GNG7: variants seen among roughly 807,000 people sequenced by gnomAD.
GNG7 encodes G protein subunit gamma 7, also known as guanine nucleotide-binding protein G(I)/G(S)/G(O) subunit gamma-7.
A neutral mutation model predicts 4.0 loss-of-function variants in GNG7; 1 was observed. The ratio of observed to expected loss-of-function variants is 0.25; its 90% confidence interval spans 0.09 to 1.18. The LOEUF is 1.18. GNG7 is among the 50% of genes most tolerant of loss of function. GNG7 has a pLI of 0.50. For missense variants in GNG7, 86 were observed against 91.9 expected (o/e 0.94, Z 0.26); for synonymous variants, 34 against 36.9 (o/e 0.92, Z 0.29).
At chr19:2,620,257 G>GAGGGT in intron 2 of GNG7, among the ~76,000 whole-genome samples, 2 of 141,362 alleles carry the variant, frequency 1.4e-5, no homozygotes, top group African/African-American at 5.2e-5. Context: ...GAGGGGAGGG[G>GAGGGT]AGGGGAGAGG....
chr19:2,563,873 C>A (rs975759607), intron 2 of GNG7, among the ~76,000 whole-genome samples: 6 of 152,052 alleles, frequency 3.9e-5, no homozygotes, highest in Admixed American at 6.6e-5. Context: ...ACCTTCGCAC[C>A]CAAACTTCCT....
intron 3 of GNG7, among the ~76,000 whole-genome samples, chr19:2,527,509 G>C (rs547719409): frequency 6.6e-6 from 1 of 152,340 alleles, no homozygotes; most frequent in Non-Finnish European, 1.5e-5. Context: ...CTGAGCAGAT[G>C]GCTGAGCAGA....
At chr19:2,534,890 A>G (rs981685132) in intron 3 of GNG7, among the ~76,000 whole-genome samples, 2 of 152,158 alleles carry the variant, frequency 1.3e-5, no homozygotes, top group African/African-American at 4.8e-5. Context: ...TTTTTGTTCT[A>G]TTGAGGGCTT....
At chr19:2,593,457 A>G (rs953916560) in intron 2 of GNG7, among the ~76,000 whole-genome samples, 1 of 152,174 alleles carries the variant, frequency 6.6e-6, no homozygotes, top group African/African-American at 2.4e-5. Context: ...AAGTATTAAG[A>G]GTAGGACTGG....
chr19:2,559,850 G>A (rs1979687131), intron 2 of GNG7, among the ~76,000 whole-genome samples: 2 of 152,086 alleles, frequency 1.3e-5, no homozygotes, highest in Admixed American at 1.3e-4. Flanking sequence ...TGATGTGAGT[G>A]TTGAATAGGG....
intron 2 of GNG7, among the ~76,000 whole-genome samples, chr19:2,631,798 T>A (rs1982166371): frequency 2.0e-5 from 3 of 152,192 alleles, no homozygotes; most frequent in Admixed American, 2.0e-4. Context: ...AGGAACTAGA[T>A]GGGGGACTTG....
intron 2 of GNG7, among the ~76,000 whole-genome samples, chr19:2,582,036 G>A (rs1980518996): frequency 1.3e-5 from 2 of 152,170 alleles, no homozygotes; most frequent in South Asian, 2.1e-4. Flanking sequence ...TTTGCCAAAG[G>A]GACGAGAGAC....
chr19:2,649,987 G>C (rs972945516), intron 1 of GNG7, among the ~76,000 whole-genome samples: 7 of 151,924 alleles, frequency 4.6e-5, no homozygotes, highest in Non-Finnish European at 8.8e-5. Context: ...GTCTCTCACT[G>C]AGTGTGACGT....
chr19:2,546,016 G>A lies in GNG7; in HGVS notation c.-38+9133C>T, dbSNP rs993487153. Among the ~76,000 whole-genome samples, 1 of 152,168 alleles carries A rather than the reference G, an allele frequency of 6.6e-6. No homozygotes were observed. Among genetic ancestry groups the A allele is most frequent in the Non-Finnish European group, 1.5e-5 (1 of 68,020 alleles). On this transcript the variant is annotated intron_variant, in intron 3 of 4. Coordinates refer to ENST00000382159, the MANE Select transcript of GNG7 (RefSeq NM_052847.3). The surrounding 1 kb of genome is among the most constrained non-coding windows in gnomAD (Gnocchi z 6.3). ...AAAAGAAAGGTGCACACAGCTTCCA[G>A]AGCGGACACAGGGCATCAGGGTGAG...
chr19:2,661,836 C>T (rs747126437), intron 1 of GNG7, among the ~76,000 whole-genome samples: 10 of 152,174 alleles, frequency 6.6e-5, no homozygotes, highest in Non-Finnish European at 1.3e-4. Flanking sequence ...CAGCTCCAAT[C>T]GAGCCTTCAG....
chr19:2,561,535 C>T (rs1310237328), intron 2 of GNG7, among the ~76,000 whole-genome samples: 1 of 152,092 alleles, frequency 6.6e-6, no homozygotes, highest in African/African-American at 2.4e-5. Context: ...CAGCTCTTAG[C>T]ACTCTTGGAC....
In GNG7 at chr19:2,566,385, G is replaced by A. The variant is rs530669996; in HGVS notation, c.-77-11197C>T. Among the ~76,000 whole-genome samples the A allele has an allele frequency of 3.6e-3, 546 of 152,208 alleles. 3 individuals are homozygous for A. Among genetic ancestry groups the A allele is most frequent in the Non-Finnish European group, 5.4e-3 (368 of 68,008 alleles). ...ACTGGCTTCGGAAGAACCCAGCCCT[G>A]CCTACACCTTGGCCTTGGACTTCCG... On this transcript the variant is annotated intron_variant, in intron 2 of 4. Transcript: ENST00000382159.
intron 2 of GNG7, among the ~76,000 whole-genome samples, chr19:2,568,058 CAT>C (rs1213312536): frequency 2.0e-5 from 3 of 151,942 alleles, no homozygotes; most frequent in South Asian, 4.2e-4. Flanking sequence ...GATACACACA[CAT>C]ATAGACATAC....
intron 3 of GNG7, among the ~76,000 whole-genome samples, chr19:2,554,183 T>TA (rs1979475946): frequency 6.9e-6 from 1 of 145,318 alleles, no homozygotes; most frequent in Non-Finnish European, 1.5e-5. Flanking sequence ...ATATATATAT[T>TA]TTTTTCTTTT....
At chr19:2,627,864 G>A (rs1982059725) in intron 2 of GNG7, among the ~76,000 whole-genome samples, 1 of 152,224 alleles carries the variant, frequency 6.6e-6, no homozygotes, top group African/African-American at 2.4e-5. Flanking sequence ...GAGGTCAGGT[G>A]AGGATCGGTC....
intron 3 of GNG7, among the ~76,000 whole-genome samples, chr19:2,540,316 A>G (rs1021872228): frequency 6.6e-6 from 1 of 151,494 alleles, no homozygotes; most frequent in African/African-American, 2.4e-5. Flanking sequence ...ATGCCCCCCT[A>G]ATTTTTTAAT....
At chr19:2,553,198 A>G (rs900808565) in intron 3 of GNG7, among the ~76,000 whole-genome samples, 1 of 151,322 alleles carries the variant, frequency 6.6e-6, no homozygotes, top group Non-Finnish European at 1.5e-5. Context: ...CATTACTACC[A>G]ACTGTATGGA....
At chr19:2,520,052 A>T (rs901071196) in intron 4 of GNG7, among the ~76,000 whole-genome samples, 1 of 152,194 alleles carries the variant, frequency 6.6e-6, no homozygotes, top group African/African-American at 2.4e-5. Context: ...ATGGTGGTGC[A>T]TGCCTGTAAT....
intron 4 of GNG7, 69 bp from the exon 5 acceptor site, chr19:2,515,216 GC>G: frequency 6.3e-7 from 1 of 1,592,926 alleles, no homozygotes; most frequent in South Asian, 1.1e-5. Flanking sequence ...GTTCACAGCA[GC>G]ACCATTCCCA....
Sources: allele counts gnomAD v4.1 joint callset (sites outside exome capture counted in the v4.1 genomes callset), GRCh38; gene constraint gnomAD v4.1.1; non-coding constraint Gnocchi (gnomAD v3.1); transcripts MANE v1.5; gene names NCBI Gene and HGNC (gene_info 2026-07-23, HGNC 2026-07-21).